DLGAP2: variants seen among roughly 807,000 people sequenced by gnomAD.
The protein encoded by DLGAP2 is DLG associated protein 2, also known as disks large-associated protein 2.
DLGAP2 carries 26 observed loss-of-function variants against 100.3 expected under a neutral mutation model. The observed-to-expected ratio is 0.26, with a 90% CI of 0.19 to 0.36. The LOEUF (loss-of-function observed/expected upper bound fraction) is 0.36, where lower values mean the gene tolerates loss of function less well. Ranked by LOEUF, DLGAP2 falls within the 10% of genes least tolerant of loss-of-function variation. The pLI is 1.00. For synonymous variants in DLGAP2, 886 were observed against 630.1 expected (o/e 1.41, Z -6.08); for missense variants, 1,858 against 1,453.2 (o/e 1.28, Z -4.53).
At chr8:918,437 C>G (rs1798640243) in intron 2 of DLGAP2, among the ~76,000 whole-genome samples, 1 of 152,146 alleles carries the variant, frequency 6.6e-6, no homozygotes, top group African/African-American at 2.4e-5. Context: ...TAGTTCTAGA[C>G]TGTTTTCTGA....
rs184186587 is a variant in DLGAP2, at chr8:1,499,996, G to A, written c.107-1370G>A. Among the ~76,000 whole-genome samples, 4 of 138,912 alleles carry A rather than the reference G, an allele frequency of 2.9e-5. No homozygotes were observed. In the East Asian group the frequency reaches 1.0e-3, roughly 35 times the overall value. 91.1% of individuals were successfully genotyped at this position (138,912 alleles called of 152,430 possible). A position where few individuals can be genotyped will look rare whatever the true frequency, so the allele number is the denominator to read the frequency against. Reference sequence around the variant, plus strand: ...CTAACACTTGGGTGGGGGGGGTGGGGGCAAATGTGAGATGTGCCTCAAAGC... The same window carrying A: ...CTAACACTTGGGTGGGGGGGGTGGGAGCAAATGTGAGATGTGCCTCAAAGC... On this transcript the variant is annotated intron_variant, in intron 3 of 14. Coordinates refer to ENST00000637795, the MANE Select transcript of DLGAP2 (RefSeq NM_001346810.2).
chr8:1,087,256 A>G (rs1007437978), intron 2 of DLGAP2, among the ~76,000 whole-genome samples: 4 of 152,240 alleles, frequency 2.6e-5, no homozygotes, highest in Admixed American at 2.6e-4. Context: ...TAGCAATATC[A>G]TAACATTCTG....
At chr8:763,646 C>G (rs976341843) in intron 1 of DLGAP2, among the ~76,000 whole-genome samples, 14 of 151,926 alleles carry the variant, frequency 9.2e-5, no homozygotes, top group African/African-American at 3.1e-4. Context: ...CGGTGGCGAC[C>G]CAGAGAGGCA....
At chr8:1,241,698 G>A (rs1178192267) in intron 2 of DLGAP2, among the ~76,000 whole-genome samples, 3 of 151,850 alleles carry the variant, frequency 2.0e-5, no homozygotes, top group East Asian at 1.9e-4. Context: ...ATTTTTCAGG[G>A]CAAGTGTGTA....
chr8:1,276,391 G>A (rs1799697212), intron 3 of DLGAP2, among the ~76,000 whole-genome samples: 1 of 152,052 alleles, frequency 6.6e-6, no homozygotes, highest in African/African-American at 2.4e-5. Context: ...GAACCGTTTT[G>A]GATCTTGGCC....
intron 1 of DLGAP2, among the ~76,000 whole-genome samples, chr8:863,183 C>G (rs1313227422): frequency 6.6e-6 from 1 of 152,142 alleles, no homozygotes; most frequent in Admixed American, 6.5e-5. Flanking sequence ...GTTAAGGGAC[C>G]AGCCTATTTT....
chr8:1,252,463 C>T (rs4642678), intron 2 of DLGAP2, among the ~76,000 whole-genome samples: 3 of 148,858 alleles, frequency 2.0e-5, no homozygotes, highest in South Asian at 4.3e-4. Context: ...TTGTCACGTG[C>T]GTGTGTTGCG....
intron 3 of DLGAP2, among the ~76,000 whole-genome samples, chr8:1,494,234 T>G (rs1470223373): frequency 2.0e-5 from 3 of 152,282 alleles, no homozygotes; most frequent in Non-Finnish European, 4.4e-5. Flanking sequence ...CCTTCTCATG[T>G]GTGAACCTGG....
At chr8:1,235,041 C>T (rs1388795977) in intron 2 of DLGAP2, among the ~76,000 whole-genome samples, 4 of 151,638 alleles carry the variant, frequency 2.6e-5, no homozygotes, top group Non-Finnish European at 5.9e-5. Flanking sequence ...TCTCACATGG[C>T]GCCATGTCTA....
intron 3 of DLGAP2, among the ~76,000 whole-genome samples, chr8:1,308,988 A>G (rs1421995916): frequency 6.6e-6 from 1 of 152,208 alleles, no homozygotes; most frequent in Non-Finnish European, 1.5e-5. Flanking sequence ...GAGGTTCAGC[A>G]GCAGATTTGA....
At chr8:1,344,116 C>T (rs13273757) in intron 3 of DLGAP2, among the ~76,000 whole-genome samples, 38 of 57,200 alleles carry the variant, frequency 6.6e-4, no homozygotes, top group Admixed American at 1.1e-3. Flanking sequence ...TCCATGTATT[C>T]GGGGCCCTGT....
intron 2 of DLGAP2, among the ~76,000 whole-genome samples, chr8:1,212,022 A>T (rs941846291): frequency 6.6e-6 from 1 of 152,340 alleles, no homozygotes; most frequent in African/African-American, 2.4e-5. Context: ...CCTTCACCTG[A>T]TTCACAGCGC....
rs201279631 is a variant in DLGAP2, at chr8:1,276,104, A to AAT, written c.106+17231_106+17232dup. On this transcript the variant is annotated intron_variant, in intron 3 of 14. Coordinates refer to ENST00000637795, the MANE Select transcript of DLGAP2 (RefSeq NM_001346810.2). The stretch of plus-strand genomic sequence containing the variant: ...TAAATAAATGTGTATATAATATATA[A>AAT]ATATATATATAATATATATAAATGT... Among the ~76,000 whole-genome samples the AAT allele has an allele frequency of 5.1e-3, 728 of 143,944 alleles. 7 individuals are homozygous for AAT. Among genetic ancestry groups the AAT allele is most frequent in the African/African-American group, 0.017 (686 of 39,388 alleles). 94.4% of individuals were successfully genotyped at this position (143,944 alleles called of 152,430 possible).
At chr8:1,292,716 T>G (rs1368533487) in intron 3 of DLGAP2, among the ~76,000 whole-genome samples, 2 of 152,168 alleles carry the variant, frequency 1.3e-5, no homozygotes, top group Non-Finnish European at 2.9e-5. Context: ...TTACTTTTCT[T>G]CTGACCCAGG....
At chr8:891,236 A>T (rs1333690712) in intron 1 of DLGAP2, 1 of 152,460 alleles carries the variant, frequency 6.6e-6, no homozygotes. Context: ...GGCGACCAGG[A>T]CCAGGCGTGT....
intron 3 of DLGAP2, among the ~76,000 whole-genome samples, chr8:1,318,276 G>T (rs1563080020): frequency 6.6e-6 from 1 of 152,138 alleles, no homozygotes; most frequent in South Asian, 2.1e-4. Context: ...GCAACAACAT[G>T]AAATAAAAAG....
At chr8:848,107 C>T (rs570982918) in intron 1 of DLGAP2, among the ~76,000 whole-genome samples, 6 of 152,280 alleles carry the variant, frequency 3.9e-5, no homozygotes, top group South Asian at 4.2e-4. Flanking sequence ...CTCTGTCTGT[C>T]GTGTTTCCTT....
chr8:1,225,150 C>T (rs1376531862), intron 2 of DLGAP2, among the ~76,000 whole-genome samples: 1 of 152,214 alleles, frequency 6.6e-6, no homozygotes, highest in African/African-American at 2.4e-5. Context: ...CACAGCAGTG[C>T]TTGCATGATA....
At chr8:1,294,593 C>G (rs184292653) in intron 3 of DLGAP2, among the ~76,000 whole-genome samples, 2 of 152,082 alleles carry the variant, frequency 1.3e-5, no homozygotes, top group Non-Finnish European at 2.9e-5. Flanking sequence ...GGGTCAATGT[C>G]GAATTGGAAT....
Sources: allele counts gnomAD v4.1 joint callset (sites outside exome capture counted in the v4.1 genomes callset), GRCh38; gene constraint gnomAD v4.1.1; transcripts MANE v1.5; gene names NCBI Gene and HGNC (gene_info 2026-07-23, HGNC 2026-07-21).